SDHAF3: variants seen among roughly 807,000 people sequenced by gnomAD.
SDHAF3 encodes the protein succinate dehydrogenase complex assembly factor 3, also known as succinate dehydrogenase assembly factor 3, mitochondrial.
SDHAF3 carries 18 observed loss-of-function variants against 11.5 expected under a neutral mutation model. The observed-to-expected ratio is 1.56, with a 90% CI of 1.08 to 2.32. The LOEUF is 2.32. Among genes scored for constraint, SDHAF3 ranks in the 30% most tolerant of loss-of-function variants. The pLI, the probability that SDHAF3 is intolerant of heterozygous loss-of-function variation, is 0.00. For missense variants in SDHAF3, 200 were observed against 154.4 expected (o/e 1.30, Z -1.57); for synonymous variants, 72 against 59.3 (o/e 1.21, Z -0.99).
At chr7:97,121,168 A>G (rs1395743867) in intron 1 of SDHAF3, among the ~76,000 whole-genome samples, 1 of 152,220 alleles carries the variant, frequency 6.6e-6, no homozygotes, top group Non-Finnish European at 1.5e-5. Context: ...TTGAGACTCC[A>G]TAGATCGGGG....
intron 1 of SDHAF3, among the ~76,000 whole-genome samples, chr7:97,122,927 T>A (rs1236616760): frequency 6.6e-6 from 1 of 152,156 alleles, no homozygotes; most frequent in Non-Finnish European, 1.5e-5. Flanking sequence ...CTTTTTTTTT[T>A]TTCCATCTGT....
chr7:97,146,448 G>T (rs1789136289), intron 1 of SDHAF3, among the ~76,000 whole-genome samples: 1 of 152,036 alleles, frequency 6.6e-6, no homozygotes, highest in Non-Finnish European at 1.5e-5. Context: ...ATATTTGAAG[G>T]CAAAACACTT....
At chr7:97,157,885 G>C (rs1789328568) in intron 1 of SDHAF3, among the ~76,000 whole-genome samples, 1 of 145,578 alleles carries the variant, frequency 6.9e-6, no homozygotes, top group African/African-American at 2.6e-5. Flanking sequence ...AACACCGCAT[G>C]TTCTCACTCA....
At chr7:97,121,857 T>C (rs1280791511) in intron 1 of SDHAF3, among the ~76,000 whole-genome samples, 1 of 139,510 alleles carries the variant, frequency 7.2e-6, no homozygotes, top group Non-Finnish European at 1.5e-5. Context: ...TTTTTTTGTT[T>C]TTTTTTTTTT....
intron 1 of SDHAF3, among the ~76,000 whole-genome samples, chr7:97,124,198 GT>G (rs976730190): frequency 6.6e-6 from 1 of 152,084 alleles, no homozygotes; most frequent in Non-Finnish European, 1.5e-5. Context: ...TCCAGTTTCT[GT>G]TTTTTGCATA....
intron 1 of SDHAF3, among the ~76,000 whole-genome samples, chr7:97,160,662 G>A (rs936047883): frequency 4.6e-5 from 7 of 152,174 alleles, no homozygotes; most frequent in African/African-American, 7.2e-5. Flanking sequence ...ATGGAGATGC[G>A]CTGTAAGCGG....
chr7:97,159,327 T>C (rs895587400), intron 1 of SDHAF3, among the ~76,000 whole-genome samples: 2 of 152,342 alleles, frequency 1.3e-5, no homozygotes, highest in South Asian at 4.1e-4. Context: ...TATGACCTTT[T>C]AGATTTCCAG....
intron 1 of SDHAF3, among the ~76,000 whole-genome samples, chr7:97,143,455 T>C (rs1789087011): frequency 1.3e-5 from 2 of 152,044 alleles, no homozygotes; most frequent in South Asian, 4.2e-4. Context: ...CTCACACCCC[T>C]CCCACTCTTT....
chr7:97,140,277 C>T (rs1057363734), intron 1 of SDHAF3, among the ~76,000 whole-genome samples: 1 of 150,932 alleles, frequency 6.6e-6, no homozygotes, highest in Non-Finnish European at 1.5e-5. Flanking sequence ...TTGATTAATT[C>T]TTCAAATGGT....
intron 1 of SDHAF3, among the ~76,000 whole-genome samples, chr7:97,147,923 T>C (rs1292544169): frequency 6.6e-6 from 1 of 152,142 alleles, no homozygotes; most frequent in African/African-American, 2.4e-5. Flanking sequence ...TTTTTATTTT[T>C]ATGTTTTTTG....
intron 1 of SDHAF3, among the ~76,000 whole-genome samples, chr7:97,153,380 T>C (rs1235581268): frequency 6.6e-6 from 1 of 152,252 alleles, no homozygotes; most frequent in African/African-American, 2.4e-5. Flanking sequence ...TTTTCATGGC[T>C]TGATCATTTC....
intron 1 of SDHAF3, among the ~76,000 whole-genome samples, chr7:97,165,692 A>G (rs1354646330): frequency 1.3e-5 from 2 of 152,158 alleles, no homozygotes; most frequent in African/African-American, 2.4e-5. Context: ...TTCAAGTTCT[A>G]TGTGTTTTTG....
At chr7:97,130,308 A>G (rs887548317) in intron 1 of SDHAF3, among the ~76,000 whole-genome samples, 3 of 151,708 alleles carry the variant, frequency 2.0e-5, no homozygotes, top group Non-Finnish European at 2.9e-5. Context: ...GAAAACATAT[A>G]TGTGTGACAA....
intron 1 of SDHAF3, among the ~76,000 whole-genome samples, chr7:97,148,352 A>G (rs894986200): frequency 2.6e-5 from 4 of 152,136 alleles, no homozygotes; most frequent in African/African-American, 7.2e-5. Context: ...CTGGGCAACA[A>G]AGTGAGACCT....
chr7:97,181,584 T>TA lies in SDHAF3; in HGVS notation c.*372dup, dbSNP rs1789776670. On this transcript the variant is annotated 3_prime_UTR_variant, in exon 2 of 2. Transcript: ENST00000432641. ...CAATTCCAACAAGGTTATTATTTTT[T>TA]AAATACATTGTCATTCTGAACATTT... The TA allele has an allele frequency of 6.2e-6, 1 of 162,430 alleles. No individual in the cohort carries two copies. 10.1% of individuals were successfully genotyped at this position (162,430 alleles called of 1,614,324 possible).
intron 1 of SDHAF3, among the ~76,000 whole-genome samples, chr7:97,144,933 A>G (rs1345727681): frequency 6.6e-6 from 1 of 151,456 alleles, no homozygotes; most frequent in Non-Finnish European, 1.5e-5. Flanking sequence ...TTACCCATCC[A>G]TGTGCATGGG....
intron 1 of SDHAF3, among the ~76,000 whole-genome samples, chr7:97,154,192 CCTT>C (rs990274008): frequency 4.6e-5 from 7 of 150,956 alleles, no homozygotes; most frequent in African/African-American, 1.7e-4. Context: ...TTACAAAGAA[CCTT>C]CTTAAGGGTG....
At chr7:97,156,336 G>A (rs1399452683) in intron 1 of SDHAF3, among the ~76,000 whole-genome samples, 2 of 152,256 alleles carry the variant, frequency 1.3e-5, no homozygotes, top group South Asian at 4.1e-4. Flanking sequence ...AAGCCATAGA[G>A]GTAAAGTGCC....
intron 1 of SDHAF3, among the ~76,000 whole-genome samples, chr7:97,122,668 T>G (rs1283117691): frequency 1.3e-5 from 2 of 152,222 alleles, no homozygotes; most frequent in East Asian, 3.9e-4. Context: ...GAGTTCAGTT[T>G]GGTGTGCTTT....
Sources: allele counts gnomAD v4.1 joint callset (sites outside exome capture counted in the v4.1 genomes callset), GRCh38; gene constraint gnomAD v4.1.1; transcripts MANE v1.5; gene names NCBI Gene and HGNC (gene_info 2026-07-23, HGNC 2026-07-21).